Variants in ZNF257 observed in about 807,000 individuals in gnomAD.
The protein encoded by ZNF257 is zinc finger protein 257.
In ZNF257, 12 loss-of-function variants were observed where a neutral mutation model predicts 11.9. That is an observed-to-expected ratio of 1.01 (90% CI 0.65 to 1.63). The LOEUF (loss-of-function observed/expected upper bound fraction) is 1.63, where lower values mean the gene tolerates loss of function less well. Ranked by LOEUF, ZNF257 falls within the 40% of genes most tolerant of loss-of-function variation. The probability of loss-of-function intolerance (pLI) is 0.00; values close to 1 mark genes in which losing one functional copy is unlikely to be tolerated. For missense variants in ZNF257, 580 were observed against 665.5 expected, an observed-to-expected ratio of 0.87 and a Z score of 1.41; for synonymous variants, 183 against 222.7, an observed-to-expected ratio of 0.82 and a Z score of 1.59.
Position 22,071,731 on chromosome 19 carries a change from T to C in ZNF257, c.4-1078T>C, listed in dbSNP as rs185316593. On this transcript the variant is annotated intron_variant, in intron 1 of 3. Transcript: ENST00000594947. ...ACGCAGAATTTTCTTCATGGATTTA[T>C]AATCTACTGTATTAAAAATGTTCCC... Among the ~76,000 whole-genome samples, 373 of 152,282 alleles carry C rather than the reference T, an allele frequency of 2.4e-3. 4 individuals carry two copies. The highest frequency in any genetic ancestry group is 8.1e-3 in the African/African-American group (338 of 41,542).
intron 1 of ZNF257, among the ~76,000 whole-genome samples, chr19:22,062,223 CTTTTT>C (rs34283330): frequency 9.8e-6 from 1 of 101,798 alleles, no homozygotes. Flanking sequence ...ACTGCGCCTG[CTTTTT>C]TTTTTTTTTT....
At chr19:22,060,089 T>C (rs975928177) in intron 1 of ZNF257, among the ~76,000 whole-genome samples, 2 of 152,224 alleles carry the variant, frequency 1.3e-5, no homozygotes, top group African/African-American at 4.8e-5. Context: ...TCCATGTCTT[T>C]GCCATTGTGA....
chr19:22,052,747 C>A, intron 1 of ZNF257, 112 bp downstream of exon 1: 1 of 1,328,726 alleles, frequency 7.5e-7, no homozygotes, highest in Non-Finnish European at 1.1e-6. Flanking sequence ...ACCATCTGCG[C>A]CCGAGTTTTC....
At chr19:22,076,864 A>G (rs11667274) in intron 3 of ZNF257, among the ~76,000 whole-genome samples, 34,738 of 151,854 alleles carry the variant, frequency 0.23, 4,698 homozygotes, top group South Asian at 0.44. Flanking sequence ...AATTTTTGGT[A>G]TTTTTAGTAG....
At chr19:22,072,994 A>AT (rs200588824) in intron 2 of ZNF257, 59 bp downstream of exon 2, 206,683 of 1,118,658 alleles carry the variant, frequency 0.18, 4,910 homozygotes, top group African/African-American at 0.29. Flanking sequence ...TTTTTTATTT[A>AT]TTTTTTTTTT....
At chr19:22,085,768 G>C (rs572401527) in intron 3 of ZNF257, among the ~76,000 whole-genome samples, 1 of 151,642 alleles carries the variant, frequency 6.6e-6, no homozygotes, top group South Asian at 2.1e-4. Flanking sequence ...ATCTATTATT[G>C]CTTAATGTCC....
chr19:22,075,264 G>A (rs115854958), intron 3 of ZNF257: 2,137 of 163,872 alleles, frequency 0.013, 65 homozygotes, highest in African/African-American at 0.049. Context: ...GCAGGTTTTT[G>A]CAGTAGGGTC....
In ZNF257 at chr19:22,088,448, A is replaced by C. The variant is rs771307599; in HGVS notation, c.698A>C (p.Glu233Ala). The C allele has an allele frequency of 6.2e-6, 10 of 1,613,746 alleles. No individual in the cohort carries two copies. Among genetic ancestry groups the C allele is most frequent in the Non-Finnish European group, 8.5e-6 (10 of 1,179,850 alleles). Residue 233 changes from glutamate to alanine, a missense_variant, in exon 4 of 4, where the codon GAG becomes GCG. Physicochemically the swap from Glu to Ala is moderately radical, Grantham distance 107 (BLOSUM62 -1). Transcript: ENST00000594947. ...GGAGAGAAACCCTACAAATGTGAAG[A>C]GTGTGGAAAAGCTTTTAACCGGTCT... The part of the protein sequence containing the change: ...HTGEKPYKCE[E>A]CGKAFNRSSH...
chr19:22,071,271 A>G (rs913129621), intron 1 of ZNF257, among the ~76,000 whole-genome samples: 3 of 152,128 alleles, frequency 2.0e-5, no homozygotes, highest in African/African-American at 7.2e-5. Flanking sequence ...ATTTTCATAG[A>G]GAAGCTCATT....
At chr19:22,075,220 CT>C in intron 3 of ZNF257, 1 of 171,986 alleles carries the variant, frequency 5.8e-6, no homozygotes, top group Non-Finnish European at 1.2e-5. Flanking sequence ...ATTGGATATC[CT>C]TCAAGACTTT....
intron 1 of ZNF257, among the ~76,000 whole-genome samples, chr19:22,058,135 A>G (rs1027569596): frequency 6.6e-6 from 1 of 152,154 alleles, no homozygotes; most frequent in Non-Finnish European, 1.5e-5. Context: ...GATGGGCAAA[A>G]AAAAGAGCCC....
At chr19:22,063,001 T>G (rs190136490) in intron 1 of ZNF257, among the ~76,000 whole-genome samples, 1 of 152,220 alleles carries the variant, frequency 6.6e-6, no homozygotes, top group Non-Finnish European at 1.5e-5. Flanking sequence ...AGGCTATATA[T>G]TACTAATCCA....
intron 3 of ZNF257, among the ~76,000 whole-genome samples, chr19:22,083,688 G>A (rs949388881): frequency 1.3e-5 from 2 of 151,962 alleles, no homozygotes; most frequent in African/African-American, 4.8e-5. Flanking sequence ...CAGTATTATG[G>A]CACTTTTGAA....
Position 22,089,687 on chromosome 19 carries a change from A to G in ZNF257, c.*245A>G. On this transcript the variant is annotated 3_prime_UTR_variant, in exon 4 of 4. Transcript: ENST00000594947. ...CAACTCTTACTAAACATGAGAACAC[A>G]TGTGGAAGATAAAGCCTACAAATAT... 2.1e-6 allele frequency: 2 copies of G among 937,724 alleles called. No individual in the cohort carries two copies. Among genetic ancestry groups the G allele is most frequent in the East Asian group, 3.4e-5 (1 of 29,532 alleles). The allele number at this position is 937,724 out of a possible 1,614,324, so 58.1% of individuals were successfully genotyped here. A position where few individuals can be genotyped will look rare whatever the true frequency, so the allele number is the denominator to read the frequency against.
intron 3 of ZNF257, among the ~76,000 whole-genome samples, chr19:22,085,787 T>C (rs1767880091): frequency 6.6e-6 from 1 of 152,076 alleles, no homozygotes; most frequent in Admixed American, 6.6e-5. Context: ...CCTTTGTCTT[T>C]TTGAGTTTTG....
intron 3 of ZNF257, chr19:22,075,615 T>C (rs1280706661): frequency 6.6e-6 from 1 of 152,208 alleles, no homozygotes. Flanking sequence ...TCCTGTCCTG[T>C]AGCCAAGACC....
At chr19:22,067,613 G>T (rs915110926) in intron 1 of ZNF257, among the ~76,000 whole-genome samples, 13 of 152,016 alleles carry the variant, frequency 8.6e-5, no homozygotes, top group Non-Finnish European at 1.8e-4. Flanking sequence ...GAGGCAGGTG[G>T]ATCACGAGGT....
intron 2 of ZNF257, 72 bp downstream of exon 2, chr19:22,073,007 TAGAA>T: frequency 7.4e-7 from 1 of 1,346,284 alleles, no homozygotes; most frequent in Non-Finnish European, 9.9e-7. Context: ...TTTTTTTTTG[TAGAA>T]TGTTTTTTGG....
At chr19:22,067,148 A>G (rs2021971164) in intron 1 of ZNF257, among the ~76,000 whole-genome samples, 1 of 152,136 alleles carries the variant, frequency 6.6e-6, no homozygotes, top group Admixed American at 6.5e-5. Context: ...GTATCTGCCT[A>G]TTTGGTATCT....
Sources: gnomAD v4.1 joint callset for allele counts (sites outside exome capture counted in the v4.1 genomes callset) on GRCh38, gnomAD v4.1.1 for gene constraint, MANE v1.5 for transcripts, NCBI Gene and HGNC (gene_info 2026-07-23, HGNC 2026-07-21) for gene names.